Variants in PDZD2 observed in about 807,000 individuals in gnomAD.
PDZD2 encodes the protein PDZ domain-containing protein 2.
In PDZD2, 90 loss-of-function variants were observed where a neutral mutation model predicts 220.7. That is an observed-to-expected ratio of 0.41 (90% confidence interval 0.34 to 0.49). PDZD2 has a LOEUF of 0.49. Ranked by LOEUF, PDZD2 falls within the 20% of genes least tolerant of loss-of-function variation. The pLI is 0.28. For synonymous variants in PDZD2, 1,375 were observed against 1,450.5 expected, an observed-to-expected ratio of 0.95 and a Z score of 1.18; for missense variants, 3,174 against 3,608.5, an observed-to-expected ratio of 0.88 and a Z score of 3.08.
intron 2 of PDZD2, chr5:31,840,835 T>C: frequency 1.3e-6 from 1 of 744,046 alleles, no homozygotes. Flanking sequence ...TTTTGAACAG[T>C]ACCCATTCCC....
intron 1 of PDZD2, among the ~76,000 whole-genome samples, chr5:31,718,411 A>T (rs1244418860): frequency 3.9e-5 from 6 of 152,200 alleles, no homozygotes; most frequent in Admixed American, 6.5e-5. Flanking sequence ...GCCTGAAAGA[A>T]AGGCATCTTA....
intron 2 of PDZD2, among the ~76,000 whole-genome samples, chr5:31,880,059 G>A (rs557528767): frequency 2.1e-4 from 32 of 151,894 alleles, no homozygotes; most frequent in South Asian, 4.2e-4. Flanking sequence ...GATGACAGGC[G>A]CCCACCACCA....
Position 32,089,990 on chromosome 5 carries a change from C to A in PDZD2, c.6542C>A (p.Ala2181Glu). 1.2e-6 allele frequency: 2 copies of A among 1,602,882 alleles called. No individual in the cohort carries two copies. The highest frequency in any genetic ancestry group is 8.5e-7 in the Non-Finnish European group (1 of 1,174,514). ...SSSLQTAIRK[A>E]EYSQGKSSLM... ...TCCCTTCAAACAGCCATTAGAAAGG[C>A]AGAATACTCCCAGGGAAAATCAAGC... Residue 2181 changes from alanine to glutamate, a missense_variant, in exon 20 of 25, where the codon GCA becomes GAA. Transcript: ENST00000438447.
At chr5:31,830,988 A>G (rs1756550268) in intron 2 of PDZD2, among the ~76,000 whole-genome samples, 1 of 152,236 alleles carries the variant, frequency 6.6e-6, no homozygotes, top group Admixed American at 6.5e-5. Flanking sequence ...GGAGGATGGA[A>G]GACTTCTTGG....
At chr5:31,920,047 G>A (rs1004163340) in intron 2 of PDZD2, among the ~76,000 whole-genome samples, 1 of 151,878 alleles carries the variant, frequency 6.6e-6, no homozygotes, top group Non-Finnish European at 1.5e-5. Context: ...AGGGGTTTTG[G>A]GAGGCTAAAG....
chr5:31,867,907 G>C (rs765187583), intron 2 of PDZD2, among the ~76,000 whole-genome samples: 3 of 151,956 alleles, frequency 2.0e-5, no homozygotes, highest in Non-Finnish European at 4.4e-5. Flanking sequence ...GGAGGGGCGG[G>C]GCAGAGCAGG....
chr5:31,745,561 C>G (rs1375796124), intron 1 of PDZD2, among the ~76,000 whole-genome samples: 1 of 152,180 alleles, frequency 6.6e-6, no homozygotes, highest in Non-Finnish European at 1.5e-5. Flanking sequence ...TTCGCTCATG[C>G]TTTCACGCTC....
intron 2 of PDZD2, among the ~76,000 whole-genome samples, chr5:31,833,948 G>C (rs948751471): frequency 6.6e-6 from 1 of 152,220 alleles, no homozygotes; most frequent in Non-Finnish European, 1.5e-5. Flanking sequence ...GGCCAGGTTA[G>C]CCACCAGGAT....
intron 1 of PDZD2, among the ~76,000 whole-genome samples, chr5:31,676,030 A>G (rs1746399624): frequency 6.6e-6 from 1 of 152,152 alleles, no homozygotes; most frequent in African/African-American, 2.4e-5. Flanking sequence ...TTCCTTACCC[A>G]TAAAAACTTA....
chr5:31,879,579 C>T (rs545312234), intron 2 of PDZD2, among the ~76,000 whole-genome samples: 51 of 152,146 alleles, frequency 3.4e-4, no homozygotes, highest in African/African-American at 1.1e-3. Flanking sequence ...ATGGTCAAAT[C>T]GGTTTCAGCA....
At chr5:31,933,792 T>C (rs1467543395) in intron 2 of PDZD2, among the ~76,000 whole-genome samples, 1 of 152,120 alleles carries the variant, frequency 6.6e-6, no homozygotes, top group Non-Finnish European at 1.5e-5. Context: ...TCAGGGTCCC[T>C]CCCGGGTGAT....
rs1388867934 is a variant in PDZD2, at chr5:31,789,208, A to G, written c.-360-9681A>G. Among the ~76,000 whole-genome samples, 4 of 152,178 alleles carry G rather than the reference A, an allele frequency of 2.6e-5. No individual in the cohort carries two copies. In the East Asian group the frequency reaches 7.7e-4, roughly 29 times the overall value. On this transcript the variant is annotated intron_variant, in intron 1 of 24. Coordinates refer to ENST00000438447, the MANE Select transcript of PDZD2 (RefSeq NM_178140.4). ...TATGCATTCTAAGCAAGAAAAAGGA[A>G]AAAGAGACCCTATATGAAAGGAGCC...
intron 1 of PDZD2, among the ~76,000 whole-genome samples, chr5:31,649,773 A>G (rs1745275466): frequency 6.6e-6 from 1 of 151,876 alleles, no homozygotes; most frequent in Admixed American, 6.6e-5. Flanking sequence ...CCGCGTCTCT[A>G]CTAAAAATAT....
intron 1 of PDZD2, among the ~76,000 whole-genome samples, chr5:31,669,255 A>G (rs1214964192): frequency 1.3e-5 from 2 of 152,124 alleles, no homozygotes; most frequent in Non-Finnish European, 1.5e-5. Flanking sequence ...TTTAAAAATT[A>G]GGCAGGGGTA....
intron 2 of PDZD2, among the ~76,000 whole-genome samples, chr5:31,880,398 C>T (rs1739759120): frequency 1.3e-5 from 2 of 152,224 alleles, no homozygotes; most frequent in Admixed American, 1.3e-4. Context: ...CATGTCTCAA[C>T]ATTCTGCTGT....
intron 2 of PDZD2, among the ~76,000 whole-genome samples, chr5:31,855,320 G>T (rs1758349010): frequency 6.6e-6 from 1 of 152,366 alleles, no homozygotes; most frequent in Non-Finnish European, 1.5e-5. Context: ...CTCGTCTCCC[G>T]GATCACTGGG....
At chr5:31,665,733 C>A (rs1280079350) in intron 1 of PDZD2, among the ~76,000 whole-genome samples, 1 of 150,960 alleles carries the variant, frequency 6.6e-6, no homozygotes, top group African/African-American at 2.4e-5. Context: ...GAGGCCTTCC[C>A]AGCCACGCGG....
chr5:32,072,776 G>T (rs79126092), intron 17 of PDZD2, among the ~76,000 whole-genome samples: 3,873 of 152,246 alleles, frequency 0.025, 73 homozygotes, highest in Non-Finnish European at 0.042. Context: ...CAGTAAATGG[G>T]CTGGATACAC....
intron 19 of PDZD2, among the ~76,000 whole-genome samples, chr5:32,086,663 TTTGTTGTTGTTG>T (rs57422179): frequency 6.6e-6 from 1 of 150,470 alleles, no homozygotes; most frequent in Non-Finnish European, 1.5e-5. Context: ...AGAACGCCGT[TTTGTTGTTGTTG>T]TTGTTGTTGT....
Sources: gnomAD v4.1 joint callset for allele counts (sites outside exome capture counted in the v4.1 genomes callset) on GRCh38, gnomAD v4.1.1 for gene constraint, MANE v1.5 for transcripts, NCBI Gene and HGNC (gene_info 2026-07-23, HGNC 2026-07-21) for gene names.